The following SERGEF variants were observed in gnomAD, a reference collection of about 807,000 sequenced individuals.
The protein encoded by SERGEF is secretion regulating guanine nucleotide exchange factor.
In SERGEF, 51 loss-of-function variants were observed where a neutral mutation model predicts 50.0. That is an observed-to-expected ratio of 1.02 (90% CI 0.81 to 1.29). SERGEF has a LOEUF of 1.29. Ranked by LOEUF, SERGEF falls within the 50% of genes most tolerant of loss-of-function variation. SERGEF has a pLI of 0.00. For missense variants in SERGEF, 521 were observed against 557.0 expected (o/e 0.94, Z 0.65); for synonymous variants, 205 against 212.4 (o/e 0.97, Z 0.30).
At chr11:17,907,932 T>C (rs914164279) in intron 9 of SERGEF, among the ~76,000 whole-genome samples, 1 of 152,180 alleles carries the variant, frequency 6.6e-6, no homozygotes, top group African/African-American at 2.4e-5. Flanking sequence ...CTCAACTCCA[T>C]GGGCAGCTAA....
At chr11:17,939,608 T>C (rs1392858674) in intron 9 of SERGEF, 1 of 152,268 alleles carries the variant, frequency 6.6e-6, no homozygotes, top group Non-Finnish European at 1.5e-5. Context: ...TACAGTATGC[T>C]TCCTCTGGAT....
intron 9 of SERGEF, among the ~76,000 whole-genome samples, chr11:17,955,006 T>A (rs1050805975): frequency 5.9e-5 from 9 of 152,222 alleles, no homozygotes; most frequent in Non-Finnish European, 1.5e-5. Flanking sequence ...CAGACAGTGA[T>A]GGGACAGGCT....
At position 17,834,017 on chromosome 11, in the gene SERGEF, T is replaced by C. The variant is rs958037709; in HGVS notation, c.1048+44191A>G. 2.0e-5 allele frequency among the ~76,000 whole-genome samples: 3 copies of C among 152,176 alleles called. No homozygotes were observed. The South Asian group carries it at 6.2e-4, about 32-fold the overall frequency. On this transcript the variant is annotated intron_variant, in intron 10 of 10. Coordinates refer to ENST00000265965, the MANE Select transcript of SERGEF (RefSeq NM_012139.4). The stretch of plus-strand genomic sequence containing the variant: ...GACTGTTGGGAAGGCATGATTGGTT[T>C]TGAAATGTGAGGACACATGAGATTT...
At chr11:17,910,883 G>A (rs953121754) in intron 9 of SERGEF, among the ~76,000 whole-genome samples, 1 of 152,182 alleles carries the variant, frequency 6.6e-6, no homozygotes, top group Non-Finnish European at 1.5e-5. Flanking sequence ...AGAGGAGGGT[G>A]GCCAGGAGGG....
At chr11:17,939,048 CTATT>C (rs769278812) in intron 9 of SERGEF, among the ~76,000 whole-genome samples, 4 of 152,168 alleles carry the variant, frequency 2.6e-5, no homozygotes, top group Non-Finnish European at 4.4e-5. Flanking sequence ...ATTCTGGACT[CTATT>C]TAAGATGGTG....
chr11:17,895,315 G>A (rs750630181), intron 9 of SERGEF, among the ~76,000 whole-genome samples: 2 of 152,224 alleles, frequency 1.3e-5, no homozygotes, highest in Admixed American at 1.3e-4. Flanking sequence ...ATGTGACAGA[G>A]AGATCAAAGC....
chr11:17,802,025 C>T (rs753401103), intron 10 of SERGEF, among the ~76,000 whole-genome samples: 20 of 152,144 alleles, frequency 1.3e-4, no homozygotes, highest in Non-Finnish European at 2.8e-4. Flanking sequence ...ATCATTATAA[C>T]CACCGACCCA....
chr11:17,990,122 C>T (rs899341400), intron 7 of SERGEF, among the ~76,000 whole-genome samples: 1 of 152,186 alleles, frequency 6.6e-6, no homozygotes, highest in Non-Finnish European at 1.5e-5. Context: ...GATAGTATTG[C>T]TTGCCCTAGG....
chr11:17,959,793 T>C (rs924626471), intron 8 of SERGEF, among the ~76,000 whole-genome samples, 157 bp from the exon 9 acceptor site: 1 of 152,232 alleles, frequency 6.6e-6, no homozygotes, highest in African/African-American at 2.4e-5. Context: ...CTCATATTTT[T>C]ACAGATGTGG....
At chr11:17,904,706 A>C (rs897414047) in intron 9 of SERGEF, among the ~76,000 whole-genome samples, 3 of 152,188 alleles carry the variant, frequency 2.0e-5, no homozygotes, top group Non-Finnish European at 2.9e-5. Flanking sequence ...AGTAAATACC[A>C]ACTAGATGCA....
chr11:17,851,556 G>A (rs1362976920), intron 10 of SERGEF, among the ~76,000 whole-genome samples: 1 of 152,108 alleles, frequency 6.6e-6, no homozygotes, highest in East Asian at 1.9e-4. Flanking sequence ...GAAGGCAAGG[G>A]ACAGACAGGA....
At chr11:17,915,715 C>T (rs1441126328) in intron 9 of SERGEF, among the ~76,000 whole-genome samples, 2 of 152,208 alleles carry the variant, frequency 1.3e-5, no homozygotes, top group Admixed American at 1.3e-4. Flanking sequence ...TGCCCAACTC[C>T]ACCACCCACA....
At chr11:17,801,811 G>A (rs938784575) in intron 10 of SERGEF, among the ~76,000 whole-genome samples, 22 of 152,242 alleles carry the variant, frequency 1.4e-4, no homozygotes, top group African/African-American at 5.3e-4. Context: ...AGCTCAAGAG[G>A]TAACACTGTG....
intron 9 of SERGEF, among the ~76,000 whole-genome samples, chr11:17,909,839 C>G (rs1851915591): frequency 6.6e-6 from 1 of 152,192 alleles, no homozygotes; most frequent in South Asian, 2.1e-4. Flanking sequence ...TCTGATTAGA[C>G]CTCCCACAGA....
intron 10 of SERGEF, among the ~76,000 whole-genome samples, chr11:17,846,220 C>T (rs922218943): frequency 3.3e-5 from 5 of 152,134 alleles, no homozygotes; most frequent in East Asian, 1.9e-4. Flanking sequence ...TAATGAATCA[C>T]GGTATGTCAA....
chr11:17,856,791 T>C (rs1850828531), intron 10 of SERGEF: 1 of 152,206 alleles, frequency 6.6e-6, no homozygotes, highest in African/African-American at 2.4e-5. Flanking sequence ...CAATAAATAT[T>C]TGACAGTTGG....
intron 9 of SERGEF, among the ~76,000 whole-genome samples, chr11:17,905,326 A>C (rs773475634): frequency 6.6e-6 from 1 of 152,224 alleles, no homozygotes; most frequent in Non-Finnish European, 1.5e-5. Context: ...TTTAGTCACA[A>C]TGAGCCCAGT....
At chr11:17,805,473 C>T (rs1849741956) in intron 10 of SERGEF, among the ~76,000 whole-genome samples, 1 of 152,246 alleles carries the variant, frequency 6.6e-6, no homozygotes, top group Admixed American at 6.5e-5. Flanking sequence ...CTCAGTCACT[C>T]ATGTGGAGTT....
In SERGEF at chr11:18,003,074, T is replaced by C. The variant is rs112122561; in HGVS notation, c.447+1367A>G. Among the ~76,000 whole-genome samples the C allele has an allele frequency of 5.8e-3, 885 of 152,310 alleles. 6 individuals are homozygous for C. Among genetic ancestry groups the C allele is most frequent in the African/African-American group, 0.019 (790 of 41,554 alleles). ...CTTCAGGGACTACAGAGCCTAGACT[T>C]TGTGCATACCATGGGAACCATGACC... is the stretch of plus-strand genomic sequence containing the variant. On this transcript the variant is annotated intron_variant, in intron 4 of 10. Coordinates refer to ENST00000265965, the MANE Select transcript of SERGEF (RefSeq NM_012139.4).
Sources: allele counts gnomAD v4.1 joint callset (sites outside exome capture counted in the v4.1 genomes callset), GRCh38; gene constraint gnomAD v4.1.1; transcripts MANE v1.5; gene names NCBI Gene and HGNC (gene_info 2026-07-23, HGNC 2026-07-21).